The following MSI2 variants were observed in gnomAD, a reference collection of about 807,000 sequenced individuals.
MSI2 encodes RNA-binding protein Musashi homolog 2.
MSI2 carries 17 observed loss-of-function variants against 45.6 expected under a neutral mutation model. The observed-to-expected ratio is 0.37, with a 90% CI of 0.26 to 0.56. The LOEUF is 0.56. Among genes scored for constraint, MSI2 ranks in the 20% least tolerant of loss-of-function variants. The pLI is 0.77. For missense variants in MSI2, 293 were observed against 444.2 expected (o/e 0.66, Z 3.06); for synonymous variants, 156 against 158.2 (o/e 0.99, Z 0.11).
At chr17:57,324,677 T>A (rs887755259) in intron 5 of MSI2, among the ~76,000 whole-genome samples, 8 of 152,328 alleles carry the variant, frequency 5.3e-5, no homozygotes, top group African/African-American at 1.9e-4. Flanking sequence ...TAGATCCTCC[T>A]CCTGAACCAG....
At chr17:57,351,036 A>G (rs792389) in intron 5 of MSI2, among the ~76,000 whole-genome samples, 5 of 151,998 alleles carry the variant, frequency 3.3e-5, no homozygotes, top group Non-Finnish European at 7.4e-5. Context: ...GCTGTTGTGG[A>G]GGTTCCCAAC....
intron 12 of MSI2, among the ~76,000 whole-genome samples, chr17:57,676,229 C>T (rs1376519064): frequency 6.6e-6 from 1 of 152,338 alleles, no homozygotes; most frequent in Admixed American, 6.5e-5. Flanking sequence ...CACACTCACA[C>T]GCACGCATGC....
chr17:57,523,072 G>A (rs1264887595), intron 6 of MSI2, among the ~76,000 whole-genome samples: 1 of 149,890 alleles, frequency 6.7e-6, no homozygotes, highest in Non-Finnish European at 1.5e-5. Context: ...TTTTGAGGTG[G>A]AGTCTCACTC....
chr17:57,556,183 G>A (rs1164145129), intron 7 of MSI2, among the ~76,000 whole-genome samples: 3 of 152,142 alleles, frequency 2.0e-5, no homozygotes, highest in Non-Finnish European at 2.9e-5. Flanking sequence ...TATTGAATTT[G>A]GGAAGCAATA....
intron 5 of MSI2, among the ~76,000 whole-genome samples, chr17:57,288,359 T>G (rs1910108803): frequency 6.6e-6 from 1 of 152,230 alleles, no homozygotes; most frequent in African/African-American, 2.4e-5. Flanking sequence ...TTGATTTTAC[T>G]GCTTTGGACC....
chr17:57,457,724 A>G (rs1444901272), intron 6 of MSI2, among the ~76,000 whole-genome samples: 2 of 151,850 alleles, frequency 1.3e-5, no homozygotes, highest in African/African-American at 2.4e-5. Flanking sequence ...GCAAAACTCT[A>G]TCTCTACAAA....
intron 5 of MSI2, among the ~76,000 whole-genome samples, chr17:57,385,323 G>C (rs1039171009): frequency 1.3e-5 from 2 of 152,144 alleles, no homozygotes; most frequent in Admixed American, 6.5e-5. Context: ...TCTCCCCTCA[G>C]ACCCTCCTTT....
chr17:57,581,053 C>A (rs1468509003), intron 7 of MSI2, among the ~76,000 whole-genome samples: 1 of 119,136 alleles, frequency 8.4e-6, no homozygotes, highest in Admixed American at 1.1e-4. Context: ...CGCTTTGTCA[C>A]CCAGGCTGGA....
At chr17:57,373,858 G>C (rs1007991674) in intron 5 of MSI2, among the ~76,000 whole-genome samples, 7 of 152,200 alleles carry the variant, frequency 4.6e-5, no homozygotes, top group African/African-American at 1.4e-4. Flanking sequence ...ATGTTGCCAG[G>C]GGAAATAGTT....
At chr17:57,324,658 G>A (rs1598120774) in intron 5 of MSI2, among the ~76,000 whole-genome samples, 1 of 152,172 alleles carries the variant, frequency 6.6e-6, no homozygotes, top group African/African-American at 2.4e-5. Flanking sequence ...TTTCAGAGAT[G>A]GGTGGCTGTA....
Position 57,515,638 on chromosome 17 carries a change from C to T in MSI2, c.406-14038C>T, listed in dbSNP as rs139069303. 1.1e-4 allele frequency among the ~76,000 whole-genome samples: 16 copies of T among 152,252 alleles called. No homozygotes were observed. In the East Asian group the frequency reaches 2.7e-3, roughly 26 times the overall value. On this transcript the variant is annotated intron_variant, in intron 6 of 13. Coordinates refer to ENST00000284073, the MANE Select transcript of MSI2 (RefSeq NM_138962.4). ...AATGCAGAGCTGTATATGAAATTTC[C>T]TGAGGACTAGGGAGAGGAAGCGATG...
intron 5 of MSI2, among the ~76,000 whole-genome samples, chr17:57,291,904 C>T (rs1297768748): frequency 6.6e-6 from 1 of 152,134 alleles, no homozygotes; most frequent in Non-Finnish European, 1.5e-5. Flanking sequence ...CTCATTCTCC[C>T]CCGCCATTCT....
intron 6 of MSI2, among the ~76,000 whole-genome samples, chr17:57,496,384 C>G (rs9891088): frequency 6.6e-6 from 1 of 152,166 alleles, no homozygotes; most frequent in Non-Finnish European, 1.5e-5. Context: ...CCTCTCCCCA[C>G]TTAGGTCCTT....
At chr17:57,383,752 A>G (rs1230056546) in intron 5 of MSI2, among the ~76,000 whole-genome samples, 1 of 152,218 alleles carries the variant, frequency 6.6e-6, no homozygotes, top group African/African-American at 2.4e-5. Context: ...GTTGACCACT[A>G]CAAGCATATG....
intron 6 of MSI2, among the ~76,000 whole-genome samples, chr17:57,456,209 G>A (rs765850781): frequency 3.9e-5 from 6 of 152,218 alleles, no homozygotes; most frequent in Non-Finnish European, 8.8e-5. Context: ...CTTTGGCAGG[G>A]AACTCGGGGT....
At chr17:57,432,188 C>T (rs548816143) in intron 6 of MSI2, among the ~76,000 whole-genome samples, 22 of 152,104 alleles carry the variant, frequency 1.4e-4, no homozygotes, top group Admixed American at 3.3e-4. Context: ...ATGAGAATCA[C>T]GGAATTTCGG....
chr17:57,361,468 A>G (rs899115914), intron 5 of MSI2, among the ~76,000 whole-genome samples: 7 of 151,890 alleles, frequency 4.6e-5, no homozygotes, highest in Admixed American at 6.6e-5. Context: ...TAGCCTGGGC[A>G]TGGTGGCTCA....
chr17:57,302,556 C>T (rs947861381), intron 5 of MSI2, among the ~76,000 whole-genome samples: 1 of 152,214 alleles, frequency 6.6e-6, no homozygotes, highest in Non-Finnish European at 1.5e-5. Flanking sequence ...CACTTAAACA[C>T]ACTTATTAAA....
At chr17:57,379,036 G>A (rs749964102) in intron 5 of MSI2, among the ~76,000 whole-genome samples, 4 of 151,954 alleles carry the variant, frequency 2.6e-5, no homozygotes, top group Admixed American at 6.6e-5. Flanking sequence ...GGTCTATCTC[G>A]CTTTTGCTCT....
Sources: allele counts gnomAD v4.1 joint callset (sites outside exome capture counted in the v4.1 genomes callset), GRCh38; gene constraint gnomAD v4.1.1; transcripts MANE v1.5; gene names NCBI Gene and HGNC (gene_info 2026-07-23, HGNC 2026-07-21).